Variants in CTNNA3 observed in about 807,000 individuals in gnomAD.
CTNNA3 encodes catenin alpha-3.
In CTNNA3, 76 loss-of-function variants were observed where a neutral mutation model predicts 95.7. That is an observed-to-expected ratio of 0.79 (90% CI 0.66 to 0.96). CTNNA3 has a LOEUF of 0.96. CTNNA3 is among the 40% of genes least tolerant of loss of function. CTNNA3 has a pLI of 0.00. For missense variants in CTNNA3, 1,191 were observed against 1,089.8 expected (o/e 1.09, Z -1.31); for synonymous variants, 431 against 374.4 (o/e 1.15, Z -1.74).
chr10:66,623,551 T>C (rs796811982), intron 9 of CTNNA3, among the ~76,000 whole-genome samples: 1 of 152,092 alleles, frequency 6.6e-6, no homozygotes, highest in South Asian at 2.1e-4. Flanking sequence ...ATTAATTTTA[T>C]ACAACCCTCT....
intron 5 of CTNNA3, among the ~76,000 whole-genome samples, chr10:67,482,413 C>T (rs1848269951): frequency 6.6e-6 from 1 of 152,076 alleles, no homozygotes; most frequent in African/African-American, 2.4e-5. Flanking sequence ...TTTGTATCCT[C>T]TTTTATTTCA....
intron 1 of CTNNA3, among the ~76,000 whole-genome samples, chr10:67,656,642 A>T (rs1223332401): frequency 1.3e-5 from 2 of 152,120 alleles, no homozygotes; most frequent in Non-Finnish European, 2.9e-5. Flanking sequence ...TCAGTATTAA[A>T]TAAGGTCAAG....
At chr10:66,977,161 G>A (rs576626230) in intron 7 of CTNNA3, among the ~76,000 whole-genome samples, 39 of 152,238 alleles carry the variant, frequency 2.6e-4, no homozygotes, top group Non-Finnish European at 4.9e-4. Flanking sequence ...AAGGTTGGCC[G>A]GGCACGGTGG....
intron 9 of CTNNA3, among the ~76,000 whole-genome samples, chr10:66,709,595 T>C (rs10822899): frequency 0.65 from 99,509 of 151,928 alleles, 34,111 homozygotes; most frequent in African/African-American, 0.86. Context: ...AACAAAAATA[T>C]TTATTCCTTA....
intron 1 of CTNNA3, among the ~76,000 whole-genome samples, chr10:67,671,107 C>T (rs1840423569): frequency 6.6e-6 from 1 of 152,148 alleles, no homozygotes; most frequent in Non-Finnish European, 1.5e-5. Flanking sequence ...GGAGGCAGGA[C>T]ATTTGATTTC....
chr10:66,417,872 C>T (rs531116053), intron 11 of CTNNA3, among the ~76,000 whole-genome samples: 18 of 151,586 alleles, frequency 1.2e-4, no homozygotes, highest in African/African-American at 2.9e-4. Flanking sequence ...AGTAGTACTA[C>T]GAGGGAAGTT....
At chr10:66,369,503 G>GT (rs1318935279) in intron 12 of CTNNA3, among the ~76,000 whole-genome samples, 2 of 151,992 alleles carry the variant, frequency 1.3e-5, no homozygotes, top group East Asian at 1.9e-4. Context: ...AGTGTTTACA[G>GT]TTTTTTTGTT....
At chr10:66,603,903 T>C (rs1161444167) in intron 10 of CTNNA3, among the ~76,000 whole-genome samples, 1 of 152,148 alleles carries the variant, frequency 6.6e-6, no homozygotes, top group Non-Finnish European at 1.5e-5. Context: ...TAGATTCCCA[T>C]CTTTCACCAT....
chr10:67,403,371 G>A (rs1195917635), intron 5 of CTNNA3: 1 of 152,288 alleles, frequency 6.6e-6, no homozygotes, highest in Non-Finnish European at 1.5e-5. Context: ...CCAGCCTGTA[G>A]GCTTTGCAGA....
chr10:66,960,667 C>T (rs2132768799), intron 7 of CTNNA3, among the ~76,000 whole-genome samples: 1 of 152,250 alleles, frequency 6.6e-6, no homozygotes, highest in East Asian at 1.9e-4. Flanking sequence ...TTGGAAGGTT[C>T]ATTTAAATTT....
At chr10:67,089,150 A>G (rs913473295) in intron 7 of CTNNA3, among the ~76,000 whole-genome samples, 1 of 152,004 alleles carries the variant, frequency 6.6e-6, no homozygotes, top group African/African-American at 2.4e-5. Context: ...GGAGTCCTAG[A>G]GCCAATCCCC....
At chr10:66,853,979 T>G (rs1843595451) in intron 7 of CTNNA3, among the ~76,000 whole-genome samples, 1 of 152,082 alleles carries the variant, frequency 6.6e-6, no homozygotes, top group African/African-American at 2.4e-5. Context: ...AAGCCGCTAT[T>G]TAACCATTTG....
chr10:66,266,203 G>A (rs2091153074), intron 13 of CTNNA3, among the ~76,000 whole-genome samples: 1 of 151,730 alleles, frequency 6.6e-6, no homozygotes, highest in Admixed American at 6.6e-5. Flanking sequence ...CATAAGTAAG[G>A]CAAGTGTGAT....
chr10:67,156,838 T>C (rs1861331016), intron 7 of CTNNA3, among the ~76,000 whole-genome samples: 1 of 152,138 alleles, frequency 6.6e-6, no homozygotes, highest in Admixed American at 6.6e-5. Flanking sequence ...TGCTGCTTCC[T>C]TATTGATATT....
intron 11 of CTNNA3, among the ~76,000 whole-genome samples, chr10:66,492,987 C>A (rs1017913939): frequency 6.6e-6 from 1 of 151,722 alleles, no homozygotes; most frequent in African/African-American, 2.4e-5. Flanking sequence ...TGAAAGGGGA[C>A]TTTCATGAAT....
intron 13 of CTNNA3, among the ~76,000 whole-genome samples, chr10:66,249,423 T>G (rs146939672): frequency 3.9e-5 from 6 of 152,144 alleles, no homozygotes; most frequent in African/African-American, 1.4e-4. Flanking sequence ...AACAACTCTA[T>G]AGGAAAAAAT....
intron 7 of CTNNA3, among the ~76,000 whole-genome samples, chr10:66,858,619 G>C (rs1330084630): frequency 6.6e-6 from 1 of 151,918 alleles, no homozygotes; most frequent in Non-Finnish European, 1.5e-5. Flanking sequence ...TTTCTCCCTG[G>C]TTCAATCTTA....
chr10:67,260,446 GA>G (rs1284403936), intron 5 of CTNNA3, among the ~76,000 whole-genome samples: 1 of 152,066 alleles, frequency 6.6e-6, no homozygotes, highest in Non-Finnish European at 1.5e-5. Context: ...TAATTTTAGG[GA>G]CTCCCTTAAA....
rs528181955 is a variant in CTNNA3 at position 67,762,383 on chromosome 10, C to CA, written c.-2+1050dup. Reference sequence around the variant, plus strand: ...TTGTCTTGCTTTCCCCTCCCCCCCCCAAAAAAAAAAAAGCCCTCTCAAAGT... The same window carrying CA: ...TTGTCTTGCTTTCCCCTCCCCCCCCCAAAAAAAAAAAAAGCCCTCTCAAAGT... On this transcript the variant is annotated intron_variant, in intron 1 of 17. Transcript: ENST00000684154. Among the ~76,000 whole-genome samples, 386 of 136,988 alleles carry CA rather than the reference C, an allele frequency of 2.8e-3. 2 individuals carry two copies. The highest frequency in any genetic ancestry group is 5.6e-3 in the South Asian group (24 of 4,282). 89.9% of individuals were successfully genotyped at this position (136,988 alleles called of 152,430 possible).
Sources: gnomAD v4.1 joint callset for allele counts (sites outside exome capture counted in the v4.1 genomes callset) on GRCh38, gnomAD v4.1.1 for gene constraint, MANE v1.5 for transcripts, NCBI Gene and HGNC (gene_info 2026-07-23, HGNC 2026-07-21) for gene names.